Variants in NELL1 observed in about 807,000 individuals in gnomAD.
NELL1 encodes protein kinase C-binding protein NELL1.
In NELL1, 76 loss-of-function variants were observed where a neutral mutation model predicts 107.4. The observed-to-expected ratio is 0.71, with a 90% CI of 0.59 to 0.86. NELL1 has a LOEUF of 0.86. Ranked by LOEUF, NELL1 falls within the 40% of genes least tolerant of loss-of-function variation. The pLI is 0.00. For synonymous variants in NELL1, 353 were observed against 341.2 expected (o/e 1.03, Z -0.38); for missense variants, 1,024 against 1,005.5 (o/e 1.02, Z -0.25).
intron 4 of NELL1, among the ~76,000 whole-genome samples, chr11:20,849,809 A>T (rs907501352): frequency 1.3e-5 from 2 of 152,208 alleles, no homozygotes; most frequent in Non-Finnish European, 2.9e-5. Flanking sequence ...GGCTAGAAAC[A>T]TGGTTCCAAA....
At chr11:20,872,171 A>ATTTTTTTTTTTTT (rs549212186) in intron 4 of NELL1, among the ~76,000 whole-genome samples, 1 of 103,970 alleles carries the variant, frequency 9.6e-6, no homozygotes, top group East Asian at 3.0e-4. Context: ...TCTATCAGAG[A>ATTTTTTTTTTTTT]TTTTTTTTTT....
intron 15 of NELL1, among the ~76,000 whole-genome samples, chr11:21,404,507 C>A (rs1392581354): frequency 6.6e-6 from 1 of 151,828 alleles, no homozygotes; most frequent in Non-Finnish European, 1.5e-5. Context: ...TTCACCTAGT[C>A]CTGATTTCTC....
chr11:20,832,239 CT>C, intron 3 of NELL1, among the ~76,000 whole-genome samples: 1 of 152,226 alleles, frequency 6.6e-6, no homozygotes, highest in Non-Finnish European at 1.5e-5. Flanking sequence ...TGACCGTACA[CT>C]TTTATGAGAC....
intron 12 of NELL1, among the ~76,000 whole-genome samples, chr11:20,975,962 A>G (rs57852703): frequency 4.7e-4 from 45 of 95,482 alleles, no homozygotes; most frequent in African/African-American, 1.5e-3. Context: ...TACATTATAT[A>G]TACATTATAT....
Position 21,318,818 on chromosome 11 carries a change from C to T in NELL1, c.1550-52035C>T, listed in dbSNP as rs576752682. Among the ~76,000 whole-genome samples the T allele has an allele frequency of 3.3e-5, 5 of 152,100 alleles. No individual in the cohort carries two copies. The South Asian group carries it at 8.3e-4, about 25-fold the overall frequency. ...TGCTTTATTTCTGCTAGGAGTAAAT[C>T]AAAATCGTTAAGAGTACTTGCCCTA... is the stretch of plus-strand genomic sequence containing the variant. On this transcript the variant is annotated intron_variant, in intron 14 of 19. Transcript: ENST00000357134.
chr11:20,715,612 A>G (rs1302933680), intron 2 of NELL1, among the ~76,000 whole-genome samples: 2 of 152,234 alleles, frequency 1.3e-5, no homozygotes, highest in South Asian at 2.1e-4. Context: ...GCTTCTCTTA[A>G]GAGACACCAG....
chr11:20,819,842 A>G (rs549966184), intron 3 of NELL1, among the ~76,000 whole-genome samples: 2 of 152,312 alleles, frequency 1.3e-5, no homozygotes, highest in South Asian at 4.1e-4. Flanking sequence ...GGGGTTAAAA[A>G]TAGTTTCATT....
chr11:21,067,982 G>A (rs533241522), intron 12 of NELL1, among the ~76,000 whole-genome samples: 24 of 119,056 alleles, frequency 2.0e-4, no homozygotes, highest in Admixed American at 6.1e-4. Context: ...GTAGTGAGCC[G>A]AGATTGCATC....
chr11:20,686,129 C>T (rs1294505984), intron 2 of NELL1, among the ~76,000 whole-genome samples: 1 of 151,878 alleles, frequency 6.6e-6, no homozygotes, highest in East Asian at 1.9e-4. Flanking sequence ...TTTTATTTCT[C>T]CTAATATTTC....
chr11:21,496,405 C>CTTTTTTTT lies in NELL1; in HGVS notation c.1646-37967_1646-37966insTTTTTTTT, dbSNP rs1206711700. Among the ~76,000 whole-genome samples, 19 of 141,280 alleles carry CTTTTTTTT rather than the reference C, an allele frequency of 1.3e-4. No individual in the cohort carries two copies. In the East Asian group the frequency reaches 3.0e-3, roughly 23 times the overall value. 92.7% of individuals were successfully genotyped at this position (141,280 alleles called of 152,430 possible). ...AATTTAAACATATTTTTATTCTTCT[C>CTTTTTTTT]TTGTTTTTTTTTTTTTTTTTCTTGA... is the stretch of plus-strand genomic sequence containing the variant. On this transcript the variant is annotated intron_variant, in intron 15 of 19. Coordinates refer to ENST00000357134, the MANE Select transcript of NELL1 (RefSeq NM_006157.5).
intron 5 of NELL1, among the ~76,000 whole-genome samples, chr11:20,899,165 C>T (rs529258346): frequency 1.3e-5 from 2 of 152,016 alleles, no homozygotes; most frequent in African/African-American, 4.8e-5. Context: ...TATACACACA[C>T]ACATACACAC....
In NELL1 at chr11:21,510,830, C is replaced by G. The variant is rs112347336; in HGVS notation, c.1646-23544C>G. The stretch of plus-strand genomic sequence containing the variant: ...GGTCACTCATAGTTATCTCTTTTAG[C>G]TAAGACCACCTTGGCTATTCTTTAT... On this transcript the variant is annotated intron_variant, in intron 15 of 19. Transcript: ENST00000357134. Among the ~76,000 whole-genome samples, 116 of 152,232 alleles carry G rather than the reference C, an allele frequency of 7.6e-4. 1 individual carries two copies. The highest frequency in any genetic ancestry group is 2.7e-3 in the African/African-American group (111 of 41,548).
intron 3 of NELL1, among the ~76,000 whole-genome samples, chr11:20,840,519 G>A (rs952918804): frequency 2.0e-5 from 3 of 152,158 alleles, no homozygotes; most frequent in African/African-American, 7.2e-5. Context: ...GTTTATAATG[G>A]CTGTTGGCTG....
intron 2 of NELL1, among the ~76,000 whole-genome samples, chr11:20,747,318 T>C (rs1856026893): frequency 6.6e-6 from 1 of 152,204 alleles, no homozygotes; most frequent in Non-Finnish European, 1.5e-5. Flanking sequence ...CTAAACATGA[T>C]TTCTTCAGCA....
chr11:21,508,798 A>G (rs1339505375), intron 15 of NELL1, among the ~76,000 whole-genome samples: 3 of 103,788 alleles, frequency 2.9e-5, no homozygotes, highest in Non-Finnish European at 6.5e-5. Context: ...TATGTTAAAG[A>G]AAAAAAAATG....
intron 2 of NELL1, among the ~76,000 whole-genome samples, chr11:20,783,263 T>G (rs998094086): frequency 2.0e-5 from 3 of 152,158 alleles, no homozygotes; most frequent in African/African-American, 7.2e-5. Context: ...TTCTCTGAAT[T>G]TAGGACCACA....
intron 14 of NELL1, among the ~76,000 whole-genome samples, chr11:21,318,437 C>T (rs762521472): frequency 4.6e-5 from 7 of 152,126 alleles, no homozygotes; most frequent in Non-Finnish European, 8.8e-5. Flanking sequence ...GGGGCTTCTC[C>T]ATCTTTCCAA....
intron 4 of NELL1, among the ~76,000 whole-genome samples, chr11:20,860,650 T>A (rs980439583): frequency 3.9e-5 from 6 of 152,126 alleles, no homozygotes; most frequent in African/African-American, 1.2e-4. Flanking sequence ...ATCCTAGCAG[T>A]TTTTGCTTTG....
At chr11:21,211,512 G>A (rs954566423) in intron 13 of NELL1, among the ~76,000 whole-genome samples, 1 of 152,154 alleles carries the variant, frequency 6.6e-6, no homozygotes, top group Non-Finnish European at 1.5e-5. Flanking sequence ...TTGGCCAGGT[G>A]TGGCAAAATG....
Sources: gnomAD v4.1 joint callset for allele counts (sites outside exome capture counted in the v4.1 genomes callset) on GRCh38, gnomAD v4.1.1 for gene constraint, MANE v1.5 for transcripts, NCBI Gene and HGNC (gene_info 2026-07-23, HGNC 2026-07-21) for gene names.